SLC30A6: variants seen among roughly 807,000 people sequenced by gnomAD.
SLC30A6 encodes the protein zinc transporter 6.
SLC30A6 carries 55 observed loss-of-function variants against 63.0 expected under a neutral mutation model. That is an observed-to-expected ratio of 0.87 (90% CI 0.70 to 1.09). The LOEUF is 1.09. Among genes scored for constraint, SLC30A6 ranks in the 50% least tolerant of loss-of-function variants. The pLI, the probability that SLC30A6 is intolerant of heterozygous loss-of-function variation, is 0.00. For missense variants in SLC30A6, 587 were observed against 549.2 expected (o/e 1.07, Z -0.69); for synonymous variants, 224 against 186.1 (o/e 1.20, Z -1.66).
intron 13 of SLC30A6, among the ~76,000 whole-genome samples, chr2:32,219,663 T>G (rs1245772922): frequency 6.6e-6 from 1 of 151,984 alleles, no homozygotes; most frequent in African/African-American, 2.4e-5. Context: ...CTCGAACTCC[T>G]GACCTCAGGT....
At chr2:32,179,738 A>G (rs948137120) in intron 4 of SLC30A6, among the ~76,000 whole-genome samples, 2 of 152,228 alleles carry the variant, frequency 1.3e-5, no homozygotes, top group African/African-American at 2.4e-5. Context: ...GGAAAGAATA[A>G]GAATACGTAC....
At chr2:32,209,774 G>A (rs1685095837) in intron 13 of SLC30A6, among the ~76,000 whole-genome samples, 1 of 151,900 alleles carries the variant, frequency 6.6e-6, no homozygotes, top group Admixed American at 6.6e-5. Flanking sequence ...GGCTGGTGTT[G>A]AACTCCTGGC....
At position 32,165,912 on chromosome 2, in the gene SLC30A6, G is replaced by T. The variant is rs754794898; in HGVS notation, c.3+9G>T. The T allele has an allele frequency of 6.2e-7, 1 of 1,614,190 alleles. No homozygotes were observed. The highest frequency in any genetic ancestry group is 1.3e-5 in the African/African-American group (1 of 75,074). On this transcript the variant is annotated intron_variant, in intron 1 of 13. Coordinates refer to ENST00000282587, the MANE Select transcript of SLC30A6 (RefSeq NM_017964.5). ...TGCAGCTCCTTATCATGGTGAGTTG[G>T]CTGTTGGGGTGAGGGTTTCGGCTGT...
At chr2:32,176,710 C>G (rs768212413) in intron 4 of SLC30A6, among the ~76,000 whole-genome samples, 7 of 151,742 alleles carry the variant, frequency 4.6e-5, no homozygotes, top group Admixed American at 2.6e-4. Flanking sequence ...CTTAAAATGA[C>G]TTTTAGTCTC....
rs190975296 is a variant in SLC30A6, at chr2:32,195,719, T to A, written c.497-1625T>A. Among the ~76,000 whole-genome samples the A allele has an allele frequency of 4.2e-3, 632 of 150,988 alleles. 9 individuals carry two copies. Among genetic ancestry groups the A allele is most frequent in the African/African-American group, 0.015 (622 of 41,372 alleles). The stretch of plus-strand genomic sequence containing the variant: ...ATTATATTTATTTATTTATTTATTT[T>A]TTAATAGAGACAAAGTCTACCTGTG... On this transcript the variant is annotated intron_variant, in intron 8 of 13. Coordinates refer to ENST00000282587, the MANE Select transcript of SLC30A6 (RefSeq NM_017964.5).
chr2:32,215,309 C>T (rs937430704), intron 13 of SLC30A6, among the ~76,000 whole-genome samples: 1 of 152,020 alleles, frequency 6.6e-6, no homozygotes, highest in Non-Finnish European at 1.5e-5. Context: ...ATCCTCACAC[C>T]TCAGCCTCCC....
At position 32,220,391 on chromosome 2, in the gene SLC30A6, A is replaced by T. The variant is rs772796228; in HGVS notation, c.1064A>T (p.Asp355Val). ...PVAANVLNFS[D>V]HHVIPMPLLK... Reference sequence around the variant, plus strand: ...GCAGCCAATGTCCTAAACTTTTCAGATCATCACGTAATCCCAATGCCTCTT... The same window carrying T: ...GCAGCCAATGTCCTAAACTTTTCAGTTCATCACGTAATCCCAATGCCTCTT... The change falls in exon 14 of 14, where the codon GAT (aspartate) becomes GTT (valine). Residue 355 changes from aspartate to valine, a missense_variant. By Grantham distance (152) the Asp-to-Val change is radical. Coordinates refer to ENST00000282587, the MANE Select transcript of SLC30A6 (RefSeq NM_017964.5). 126 of 1,614,088 alleles carry T rather than the reference A, an allele frequency of 7.8e-5. No homozygotes were observed. Among genetic ancestry groups the T allele is most frequent in the Non-Finnish European group, 1.0e-4 (120 of 1,180,042 alleles).
intron 8 of SLC30A6, among the ~76,000 whole-genome samples, chr2:32,195,034 A>G (rs1683655606): frequency 6.6e-6 from 1 of 151,320 alleles, no homozygotes; most frequent in African/African-American, 2.4e-5. Context: ...ACTTTTTTGT[A>G]TGCACACGTA....
rs372095775 is a variant in SLC30A6 at position 32,220,250 on chromosome 2, A to G, written c.923A>G (p.Asn308Ser). Residue 308 changes from asparagine to serine, a missense_variant, in exon 14 of 14, where the codon AAT becomes AGT. Physicochemically the swap from Asn to Ser is conservative, Grantham distance 46 (BLOSUM62 1). Coordinates refer to ENST00000282587, the MANE Select transcript of SLC30A6 (RefSeq NM_017964.5). Reference sequence around the variant, plus strand: ...CATGTAAGAATTCGACGAGATGCCAATGAACAAATGGTTCTTGCTCATGTG... The same window carrying G: ...CATGTAAGAATTCGACGAGATGCCAGTGAACAAATGGTTCTTGCTCATGTG... ...SVHVRIRRDA[N>S]EQMVLAHVTN... is the part of the protein sequence containing the mutation. The G allele has an allele frequency of 3.5e-5, 57 of 1,614,004 alleles. No individual in the cohort carries two copies. The highest frequency in any genetic ancestry group is 5.3e-5 in the African/African-American group (4 of 74,940).
rs1339536567 is a variant in SLC30A6 at position 32,221,100 on chromosome 2, G to A, written c.*387G>A. 2 of 211,912 alleles carry A rather than the reference G, an allele frequency of 9.4e-6. No homozygotes were observed. The highest frequency in any genetic ancestry group is 1.9e-5 in the Non-Finnish European group (2 of 104,056). The allele number at this position is 211,912 out of a possible 1,614,324, so 13.1% of individuals were successfully genotyped here. A position where few individuals can be genotyped will look rare whatever the true frequency, so the allele number is the denominator to read the frequency against. ...AGACGGAGTCTTGCTCTGCCACTGT[G>A]CCCGGCCAATACATTATTATTAACT... On this transcript the variant is annotated 3_prime_UTR_variant, in exon 14 of 14. Transcript: ENST00000282587.
chr2:32,220,355 C>T lies in SLC30A6; in HGVS notation c.1028C>T (p.Ser343Phe). 4 of 1,614,210 alleles carry T rather than the reference C, an allele frequency of 2.5e-6. No individual in the cohort carries two copies. Among genetic ancestry groups the T allele is most frequent in the East Asian group, 2.2e-5 (1 of 44,888 alleles). The change falls in exon 14 of 14, where the codon TCT becomes TTT. Residue 343 changes from serine to phenylalanine, a missense_variant. Ser to Phe is a radical substitution (Grantham distance 155). Coordinates refer to ENST00000282587, the MANE Select transcript of SLC30A6 (RefSeq NM_017964.5). ...GACTGGATTAGGCCTGCCTTATTGT[C>T]TGGGCCTGTTGCAGCCAATGTCCTA... ...KDDWIRPALL[S>F]GPVAANVLNF...
intron 1 of SLC30A6, 124 bp downstream of exon 1, chr2:32,166,027 C>G: frequency 7.1e-7 from 1 of 1,411,076 alleles, no homozygotes; most frequent in Non-Finnish European, 1.0e-6. Context: ...GAAGTCGGGC[C>G]CCTTGGCAGG....
intron 4 of SLC30A6, among the ~76,000 whole-genome samples, chr2:32,175,930 G>A (rs1202299833): frequency 6.6e-6 from 1 of 152,036 alleles, no homozygotes. Flanking sequence ...CCGAGATTGT[G>A]CCACCACACT....
At position 32,184,271 on chromosome 2, in the gene SLC30A6, A is replaced by T. The variant is rs745805321; in HGVS notation, c.219-2A>T. The T allele has an allele frequency of 6.7e-7, 1 of 1,497,388 alleles. No individual in the cohort carries two copies. Among genetic ancestry groups the T allele is most frequent in the Non-Finnish European group, 9.0e-7 (1 of 1,107,764 alleles). The allele number at this position is 1,497,388 out of a possible 1,614,324, so 92.8% of individuals were successfully genotyped here. A position where few individuals can be genotyped will look rare whatever the true frequency, so the allele number is the denominator to read the frequency against. The stretch of plus-strand genomic sequence containing the variant: ...ACTAAATTTATTTTTCTTTTTACTT[A>T]GTTTAATGACATGTTTAATAAGTTA... On this transcript the variant is annotated splice_acceptor_variant, in intron 4 of 13. Transcript: ENST00000282587. LOFTEE classifies it high-confidence loss of function.
intron 8 of SLC30A6, among the ~76,000 whole-genome samples, chr2:32,194,528 T>A (rs931142256): frequency 6.6e-6 from 1 of 152,216 alleles, no homozygotes; most frequent in Non-Finnish European, 1.5e-5. Context: ...TTATTTTCTT[T>A]TTTCAATAAT....
intron 6 of SLC30A6, among the ~76,000 whole-genome samples, chr2:32,192,683 A>AT (rs1367845609): frequency 1.3e-5 from 2 of 152,222 alleles, no homozygotes; most frequent in African/African-American, 2.4e-5. Context: ...TTACAAACCC[A>AT]TTGAAATAGG....
At position 32,171,293 on chromosome 2, in the gene SLC30A6, A is replaced by T. The variant is rs748416148; in HGVS notation, c.10A>T (p.Ile4Phe). The T allele has an allele frequency of 3.1e-6, 5 of 1,613,226 alleles. No individual in the cohort carries two copies. In the East Asian group the frequency reaches 1.1e-4, roughly 36 times the overall value. ...GTATATGTTTGTTTGAAAGGGGACA[A>T]TTCATCTCTTTCGAAAACCACAAAG... The part of the protein sequence containing the change: MGT[I>F]HLFRKPQRSF... Residue 4 changes from isoleucine (I) to phenylalanine (F), a missense_variant, in exon 2 of 14, where the codon ATT becomes TTT. Transcript: ENST00000282587.
chr2:32,198,035 C>T (rs1319800475), intron 10 of SLC30A6, among the ~76,000 whole-genome samples: 1 of 152,028 alleles, frequency 6.6e-6, no homozygotes, highest in Non-Finnish European at 1.5e-5. Flanking sequence ...ATAATGCAGA[C>T]TGGAAAACAA....
At chr2:32,167,396 T>C (rs996891862) in intron 1 of SLC30A6, among the ~76,000 whole-genome samples, 5 of 151,730 alleles carry the variant, frequency 3.3e-5, no homozygotes, top group African/African-American at 4.8e-5. Flanking sequence ...TTTTTTTTTT[T>C]TTTTTAATGC....
Sources: gnomAD v4.1 joint callset for allele counts (sites outside exome capture counted in the v4.1 genomes callset) on GRCh38, gnomAD v4.1.1 for gene constraint, MANE v1.5 for transcripts, NCBI Gene and HGNC (gene_info 2026-07-23, HGNC 2026-07-21) for gene names.